RAB2A: variants seen among roughly 807,000 people sequenced by gnomAD.
RAB2A encodes the protein RAB2A, member RAS oncogene family, also known as ras-related protein Rab-2A.
RAB2A carries 7 observed loss-of-function variants against 32.5 expected under a neutral mutation model. The ratio of observed to expected loss-of-function variants is 0.22; its 90% CI spans 0.12 to 0.40. The LOEUF is 0.40. Ranked by LOEUF, RAB2A falls within the 10% of genes least tolerant of loss-of-function variation. RAB2A has a pLI of 1.00. For missense variants in RAB2A, 108 were observed against 260.7 expected, an observed-to-expected ratio of 0.41 and a Z score of 4.03; for synonymous variants, 79 against 85.2, an observed-to-expected ratio of 0.93 and a Z score of 0.40.
At chr8:60,614,488 G>A (rs1804415769) in intron 6 of RAB2A, among the ~76,000 whole-genome samples, 3 of 152,028 alleles carry the variant, frequency 2.0e-5, no homozygotes, top group Admixed American at 2.0e-4. Flanking sequence ...CTGACCTCAA[G>A]CAGTCTTCCT....
intron 6 of RAB2A, among the ~76,000 whole-genome samples, chr8:60,615,062 TTTG>T (rs1480418761): frequency 2.1e-4 from 32 of 152,308 alleles, no homozygotes; most frequent in African/African-American, 6.3e-4. Flanking sequence ...TTGACATCAG[TTTG>T]TTAACAAATA....
chr8:60,554,760 G>A (rs1280411083), intron 1 of RAB2A, among the ~76,000 whole-genome samples: 1 of 152,204 alleles, frequency 6.6e-6, no homozygotes, highest in Non-Finnish European at 1.5e-5. Flanking sequence ...GGCTGAGGCA[G>A]GAGAATTGCT....
At chr8:60,533,571 G>A (rs1807512173) in intron 1 of RAB2A, among the ~76,000 whole-genome samples, 1 of 152,182 alleles carries the variant, frequency 6.6e-6, no homozygotes. Flanking sequence ...AAGTTAATTT[G>A]TGCTGGAGTA....
At chr8:60,557,389 G>A (rs902337679) in intron 1 of RAB2A, among the ~76,000 whole-genome samples, 9 of 151,994 alleles carry the variant, frequency 5.9e-5, no homozygotes, top group African/African-American at 1.9e-4. Flanking sequence ...GGTGGTGTGC[G>A]CCTGTTATGC....
chr8:60,595,549 G>A (rs779416782), intron 6 of RAB2A, among the ~76,000 whole-genome samples: 1 of 152,004 alleles, frequency 6.6e-6, no homozygotes, highest in Non-Finnish European at 1.5e-5. Flanking sequence ...TAAAATGATA[G>A]GAAAAGTTAT....
chr8:60,562,690 C>G (rs977998822), intron 2 of RAB2A, among the ~76,000 whole-genome samples: 10 of 152,084 alleles, frequency 6.6e-5, no homozygotes, highest in African/African-American at 2.4e-4. Context: ...GATCATAAAA[C>G]TGTTCTGAGC....
intron 1 of RAB2A, among the ~76,000 whole-genome samples, chr8:60,555,742 A>T (rs564148529): frequency 1.3e-5 from 2 of 152,226 alleles, no homozygotes; most frequent in Non-Finnish European, 2.9e-5. Flanking sequence ...GAGAATTCTT[A>T]TACACTGTTG....
At chr8:60,585,491 C>A (rs1803833011) in intron 5 of RAB2A, among the ~76,000 whole-genome samples, 1 of 151,902 alleles carries the variant, frequency 6.6e-6, no homozygotes, top group Non-Finnish European at 1.5e-5. Context: ...CTTTTTATTT[C>A]TTATAAAGAA....
intron 3 of RAB2A, among the ~76,000 whole-genome samples, chr8:60,583,890 C>T (rs1370644092): frequency 6.6e-6 from 1 of 152,136 alleles, no homozygotes; most frequent in Non-Finnish European, 1.5e-5. Context: ...CCATTCTGTC[C>T]TTTAATAATG....
intron 1 of RAB2A, among the ~76,000 whole-genome samples, chr8:60,554,745 C>A (rs1665275677): frequency 6.6e-6 from 1 of 152,054 alleles, no homozygotes; most frequent in African/African-American, 2.4e-5. Context: ...CCCAGCTACT[C>A]AGGAGGCTGA....
intron 1 of RAB2A, among the ~76,000 whole-genome samples, chr8:60,517,806 C>T (rs1807232918): frequency 6.6e-6 from 1 of 152,000 alleles, no homozygotes; most frequent in Admixed American, 6.5e-5. Context: ...TATATATATA[C>T]ATATATATAA....
chr8:60,594,106 T>C (rs530042402), intron 6 of RAB2A, among the ~76,000 whole-genome samples: 10 of 152,002 alleles, frequency 6.6e-5, no homozygotes, highest in Admixed American at 3.3e-4. Flanking sequence ...AGGAAACAAA[T>C]GAACACTACC....
intron 1 of RAB2A, among the ~76,000 whole-genome samples, chr8:60,547,256 C>T (rs1807745390): frequency 6.6e-6 from 1 of 152,214 alleles, no homozygotes; most frequent in South Asian, 2.1e-4. Context: ...AAGAATTTTT[C>T]TTAGTACAGA....
At chr8:60,521,601 A>G (rs2130803935) in intron 1 of RAB2A, among the ~76,000 whole-genome samples, 1 of 152,286 alleles carries the variant, frequency 6.6e-6, no homozygotes, top group South Asian at 2.1e-4. Flanking sequence ...GAAATTATGT[A>G]TCATGCTAAA....
intron 1 of RAB2A, among the ~76,000 whole-genome samples, chr8:60,523,779 C>G (rs975411485): frequency 4.6e-5 from 7 of 150,788 alleles, no homozygotes; most frequent in African/African-American, 1.5e-4. Flanking sequence ...CAAGCTCCGT[C>G]TCCCGGGTTC....
chr8:60,595,042 AAGACATTCTT>A (rs1804001160), intron 6 of RAB2A, among the ~76,000 whole-genome samples: 2 of 152,250 alleles, frequency 1.3e-5, no homozygotes, highest in African/African-American at 4.8e-5. Context: ...AGGTGCAATC[AAGACATTCTT>A]AGAGAAGGAA....
intron 3 of RAB2A, among the ~76,000 whole-genome samples, chr8:60,581,975 C>G (rs942900975): frequency 3.4e-5 from 5 of 146,442 alleles, no homozygotes; most frequent in African/African-American, 1.3e-4. Flanking sequence ...GACACAGGGC[C>G]TCATCTGTTG....
At chr8:60,617,332 G>T (rs1481800871) in intron 6 of RAB2A, among the ~76,000 whole-genome samples, 1 of 151,960 alleles carries the variant, frequency 6.6e-6, no homozygotes, top group African/African-American at 2.4e-5. Flanking sequence ...TCTCTTTATC[G>T]TAAGCGTCCT....
intron 1 of RAB2A, among the ~76,000 whole-genome samples, chr8:60,550,465 A>G (rs1226028583): frequency 6.7e-6 from 1 of 148,354 alleles, no homozygotes; most frequent in East Asian, 2.0e-4. Flanking sequence ...GCTCGCTGCA[A>G]CCTCCACCTC....
Sources: gnomAD v4.1 joint callset for allele counts (sites outside exome capture counted in the v4.1 genomes callset) on GRCh38, gnomAD v4.1.1 for gene constraint, MANE v1.5 for transcripts, NCBI Gene and HGNC (gene_info 2026-07-23, HGNC 2026-07-21) for gene names.